SCARB1: variants seen among roughly 807,000 people sequenced by gnomAD.
SCARB1 encodes scavenger receptor class B member 1.
Under a neutral mutation model 57.2 loss-of-function variants are expected in SCARB1, and 30 were observed. The observed-to-expected ratio is 0.52, with a 90% CI of 0.39 to 0.71. SCARB1 has a LOEUF of 0.71. Ranked by LOEUF, SCARB1 falls within the 30% of genes least tolerant of loss-of-function variation. SCARB1 has a pLI of 0.00. For missense variants in SCARB1, 543 were observed against 671.2 expected, an observed-to-expected ratio of 0.81 and a Z score of 2.11; for synonymous variants, 249 against 268.3, an observed-to-expected ratio of 0.93 and a Z score of 0.70.
chr12:124,824,194 GAA>G (rs1951053391), intron 1 of SCARB1, among the ~76,000 whole-genome samples: 2 of 147,862 alleles, frequency 1.4e-5, no homozygotes, highest in Non-Finnish European at 1.5e-5. Context: ...AAAAAAAAGA[GAA>G]AGAAAGAAAG....
At chr12:124,786,182 C>T (rs763808607) in intron 11 of SCARB1, 175 bp downstream of exon 11, 33 of 1,583,202 alleles carry the variant, frequency 2.1e-5, no homozygotes, top group Non-Finnish European at 2.7e-5. Flanking sequence ...GCAAAAGACG[C>T]AAGCGTGCTG....
At chr12:124,785,966 C>T in intron 11 of SCARB1, 2 of 1,178,144 alleles carry the variant, frequency 1.7e-6, no homozygotes, top group South Asian at 1.6e-5. Flanking sequence ...ATGCCAGCCC[C>T]CCTCAATCCC....
Position 124,800,306 on chromosome 12 carries a change from G to A in SCARB1, c.1010-64C>T, listed in dbSNP as rs552355648. ...GTATATTGGCAGGTCCTGCCAGGCCGGAGGTCTGCACAGAGCTGTGGTCTG... is the reference window on the plus strand; with the variant it reads ...GTATATTGGCAGGTCCTGCCAGGCCAGAGGTCTGCACAGAGCTGTGGTCTG... On this transcript the variant is annotated intron_variant, in intron 7 of 12. Transcript: ENST00000261693. The surrounding 1 kb of genome is among the most constrained non-coding windows in gnomAD (Gnocchi z 4.8). The A allele has an allele frequency of 1.3e-5, 17 of 1,264,802 alleles. No individual in the cohort carries two copies. The highest frequency in any genetic ancestry group is 1.9e-4 in the Middle Eastern group (1 of 5,184). 78.3% of individuals were successfully genotyped at this position (1,264,802 alleles called of 1,614,324 possible).
At chr12:124,853,385 G>GTTTTTTT in intron 1 of SCARB1, among the ~76,000 whole-genome samples, 1 of 123,810 alleles carries the variant, frequency 8.1e-6, no homozygotes, top group African/African-American at 3.0e-5. Context: ...AGTTTGCATA[G>GTTTTTTT]TTTTGTTTTT....
chr12:124,781,972 C>A (rs1045864420), intron 12 of SCARB1, among the ~76,000 whole-genome samples: 7 of 152,178 alleles, frequency 4.6e-5, no homozygotes, highest in Non-Finnish European at 8.8e-5. Flanking sequence ...GTGGCACGAT[C>A]TTGGCTCACT....
At chr12:124,805,760 A>G (rs1594248612) in intron 7 of SCARB1, among the ~76,000 whole-genome samples, 3 of 109,606 alleles carry the variant, frequency 2.7e-5, no homozygotes, top group African/African-American at 7.0e-5. Flanking sequence ...GGCCAGAGAG[A>G]GGTCTTGCTA....
chr12:124,803,062 G>A (rs1356695433), intron 7 of SCARB1, among the ~76,000 whole-genome samples: 1 of 152,234 alleles, frequency 6.6e-6, no homozygotes, highest in Non-Finnish European at 1.5e-5. Context: ...CACCCACAAC[G>A]TCACGGACGA....
chr12:124,860,813 A>G (rs1360109195), intron 1 of SCARB1, among the ~76,000 whole-genome samples: 2 of 152,246 alleles, frequency 1.3e-5, no homozygotes, highest in Non-Finnish European at 2.9e-5. Flanking sequence ...GAATACCAGC[A>G]GTGATGAAGG....
intron 1 of SCARB1, among the ~76,000 whole-genome samples, chr12:124,841,468 A>T (rs1330413081): frequency 1.3e-5 from 2 of 149,902 alleles, no homozygotes; most frequent in Non-Finnish European, 3.0e-5. Flanking sequence ...GGCGACAGAG[A>T]AAGACTCTGT....
chr12:124,847,265 C>T (rs1228101272), intron 1 of SCARB1, among the ~76,000 whole-genome samples: 1 of 152,202 alleles, frequency 6.6e-6, no homozygotes, highest in Non-Finnish European at 1.5e-5. Context: ...AAGGAAATCC[C>T]AAGGACAGGG....
At chr12:124,809,548 G>A (rs1195680456) in intron 6 of SCARB1, among the ~76,000 whole-genome samples, 1 of 152,220 alleles carries the variant, frequency 6.6e-6, no homozygotes, top group East Asian at 1.9e-4. Flanking sequence ...ATAGGACACA[G>A]CCTCCTGGGG....
At chr12:124,843,983 T>C (rs943568618) in intron 1 of SCARB1, among the ~76,000 whole-genome samples, 7 of 152,136 alleles carry the variant, frequency 4.6e-5, no homozygotes, top group African/African-American at 1.7e-4. Flanking sequence ...GCAGTGGCCC[T>C]TCTGGAAGGC....
Position 124,795,179 on chromosome 12 carries a change from C to G in SCARB1, c.1202+16G>C. 6.2e-7 allele frequency: 1 copy of G among 1,607,786 alleles called. No homozygotes were observed. Among genetic ancestry groups the G allele is most frequent in the Non-Finnish European group, 8.5e-7 (1 of 1,174,376 alleles). On this transcript the variant is annotated intron_variant, in intron 9 of 12. Coordinates refer to ENST00000261693, the MANE Select transcript of SCARB1 (RefSeq NM_005505.5). ...CTCAATGAGCAATGCAGCCCCAGCT[C>G]CCAGTCCCCACTCACCCAATGCCTG...
chr12:124,842,327 C>T (rs1308275668), intron 1 of SCARB1, among the ~76,000 whole-genome samples: 2 of 152,184 alleles, frequency 1.3e-5, no homozygotes, highest in South Asian at 4.1e-4. Flanking sequence ...TAACACAAGC[C>T]GAGAAAGCCC....
chr12:124,816,750 A>G (rs892398289), intron 2 of SCARB1, among the ~76,000 whole-genome samples: 1 of 152,130 alleles, frequency 6.6e-6, no homozygotes, highest in African/African-American at 2.4e-5. Context: ...CAGCCGTCTC[A>G]GAGCTCCGAG....
chr12:124,858,112 C>T (rs557933556), intron 1 of SCARB1, among the ~76,000 whole-genome samples: 11 of 152,362 alleles, frequency 7.2e-5, no homozygotes, highest in South Asian at 2.1e-4. Flanking sequence ...AGTCCCCATT[C>T]TCATGGCATC....
chr12:124,778,516 G>T lies in SCARB1; in HGVS notation c.*71C>A. Reference sequence around the variant, plus strand: ...TCCGCTGGGAGAGTCCGGGAGAAGCGGGGTGTAGGGGCTGGGGGGCCGGTC... The same window carrying T: ...TCCGCTGGGAGAGTCCGGGAGAAGCTGGGTGTAGGGGCTGGGGGGCCGGTC... On this transcript the variant is annotated 3_prime_UTR_variant, in exon 13 of 13. Coordinates refer to ENST00000261693, the MANE Select transcript of SCARB1 (RefSeq NM_005505.5). 7.3e-7 allele frequency: 1 copy of T among 1,365,280 alleles called. No individual in the cohort carries two copies. Among genetic ancestry groups the T allele is most frequent in the South Asian group, 1.9e-5 (1 of 52,816 alleles). 84.6% of individuals were successfully genotyped at this position (1,365,280 alleles called of 1,614,324 possible).
rs910737712 is a variant in SCARB1, at chr12:124,827,304, C to T, written c.127-9597G>A. Among the ~76,000 whole-genome samples, 4 of 152,148 alleles carry T rather than the reference C, an allele frequency of 2.6e-5. No homozygotes were observed. The South Asian group carries it at 6.2e-4, about 24-fold the overall frequency. On this transcript the variant is annotated intron_variant, in intron 1 of 12. Transcript: ENST00000261693. ...TAATAGATCGAGTAAGTGTGAGGAA[C>T]GTGACTGGGGGCTACATACATCAGC...
At chr12:124,846,606 G>A (rs1952162461) in intron 1 of SCARB1, among the ~76,000 whole-genome samples, 1 of 151,656 alleles carries the variant, frequency 6.6e-6, no homozygotes, top group African/African-American at 2.4e-5. Context: ...AAAATTAGCT[G>A]GGCATGGTGG....
Sources: allele counts gnomAD v4.1 joint callset (sites outside exome capture counted in the v4.1 genomes callset), GRCh38; gene constraint gnomAD v4.1.1; non-coding constraint Gnocchi (gnomAD v3.1); transcripts MANE v1.5; gene names NCBI Gene and HGNC (gene_info 2026-07-23, HGNC 2026-07-21).